RIMS1: variants seen among roughly 807,000 people sequenced by gnomAD.
The protein encoded by RIMS1 is regulating synaptic membrane exocytosis 1, also known as regulating synaptic membrane exocytosis protein 1.
Under a neutral mutation model 214.1 loss-of-function variants are expected in RIMS1, and 83 were observed. That is an observed-to-expected ratio of 0.39 (90% CI 0.32 to 0.47). RIMS1 has a LOEUF of 0.47. Ranked by LOEUF, RIMS1 falls within the 20% of genes least tolerant of loss-of-function variation. RIMS1 has a pLI of 0.99. For synonymous variants in RIMS1, 793 were observed against 786.8 expected (o/e 1.01, Z -0.13); for missense variants, 2,050 against 2,161.8 (o/e 0.95, Z 1.03).
At chr6:72,117,731 G>T (rs2037365263) in intron 4 of RIMS1, among the ~76,000 whole-genome samples, 1 of 151,780 alleles carries the variant, frequency 6.6e-6, no homozygotes, top group Non-Finnish European at 1.5e-5. Flanking sequence ...GAAATGAATG[G>T]TAGTAGTAAC....
At chr6:72,348,510 TA>T (rs1279948577) in intron 29 of RIMS1, among the ~76,000 whole-genome samples, 4 of 151,974 alleles carry the variant, frequency 2.6e-5, no homozygotes, top group Non-Finnish European at 5.9e-5. Context: ...TTTAACCAGT[TA>T]ATTCTACCTT....
intron 2 of RIMS1, among the ~76,000 whole-genome samples, chr6:71,969,620 C>T (rs959097881): frequency 1.3e-5 from 2 of 151,976 alleles, no homozygotes; most frequent in African/African-American, 4.8e-5. Context: ...ACCAGCCTGG[C>T]CAATATGGTG....
intron 1 of RIMS1, among the ~76,000 whole-genome samples, chr6:71,949,519 A>G (rs1788827473): frequency 6.6e-6 from 1 of 152,162 alleles, no homozygotes; most frequent in African/African-American, 2.4e-5. Context: ...TTTGTGGGCA[A>G]AGTCGCCCCT....
chr6:72,177,627 A>G (rs1183351273), intron 4 of RIMS1, among the ~76,000 whole-genome samples: 1 of 152,210 alleles, frequency 6.6e-6, no homozygotes, highest in East Asian at 1.9e-4. Context: ...ACGTCTTCTT[A>G]TTTGATGTAA....
Position 72,290,754 on chromosome 6 carries a change from A to C in RIMS1, c.3630A>C (p.Lys1210Asn). The change falls in exon 25 of 34, where the codon AAA becomes AAC. Residue 1210 changes from lysine (K) to asparagine (N), a missense_variant. Physicochemically the swap from Lys to Asn is moderately conservative, Grantham distance 94 (BLOSUM62 0). This residue lies in a region of RIMS1 where 889 missense variants were observed against 885.5 expected (regional missense o/e 1.00). Coordinates refer to ENST00000521978, the MANE Select transcript of RIMS1 (RefSeq NM_014989.7). The stretch of plus-strand genomic sequence containing the variant: ...CTGATCAGCCAGTCATTAGGGGAAA[A>C]CATCCTGCTCGCTCAAGGTCGAGTG... ...RATDQPVIRG[K>N]HPARSRSSEH... The C allele has an allele frequency of 6.2e-7, 1 of 1,613,798 alleles. No individual in the cohort carries two copies. Among genetic ancestry groups the C allele is most frequent in the Non-Finnish European group, 8.5e-7 (1 of 1,179,780 alleles).
chr6:71,908,137 C>T (rs552733255), intron 1 of RIMS1, among the ~76,000 whole-genome samples: 247 of 152,314 alleles, frequency 1.6e-3, no homozygotes, highest in Non-Finnish European at 2.7e-3. Flanking sequence ...AAAGAGGCAA[C>T]TCCTTGGCTT....
intron 2 of RIMS1, among the ~76,000 whole-genome samples, chr6:71,973,756 G>A (rs1796459163): frequency 6.6e-6 from 1 of 152,172 alleles, no homozygotes; most frequent in South Asian, 2.1e-4. Context: ...AGATCCTAGC[G>A]AGAAGGGGCC....
At chr6:72,108,140 C>T (rs77224721) in intron 4 of RIMS1, among the ~76,000 whole-genome samples, 2 of 152,142 alleles carry the variant, frequency 1.3e-5, no homozygotes, top group Non-Finnish European at 2.9e-5. Context: ...CTACCTCACC[C>T]TTCTGTAACT....
intron 4 of RIMS1, among the ~76,000 whole-genome samples, chr6:72,128,432 TA>T (rs929576103): frequency 1.3e-4 from 19 of 151,434 alleles, no homozygotes; most frequent in Admixed American, 1.1e-3. Flanking sequence ...TTGCCCCCTT[TA>T]AAAAAAATGT....
At chr6:72,293,080 T>TG (rs1240588684) in intron 26 of RIMS1, among the ~76,000 whole-genome samples, 1 of 152,180 alleles carries the variant, frequency 6.6e-6, no homozygotes, top group East Asian at 1.9e-4. Context: ...CAAAGACTGA[T>TG]GTGGCATAGA....
At chr6:71,926,613 A>G (rs73748952) in intron 1 of RIMS1, among the ~76,000 whole-genome samples, 5,524 of 152,278 alleles carry the variant, frequency 0.036, 338 homozygotes, top group African/African-American at 0.13. Flanking sequence ...GAAAGACCAA[A>G]TATTCCTATT....
chr6:72,154,685 T>C (rs150491249), intron 4 of RIMS1, among the ~76,000 whole-genome samples: 1 of 140,626 alleles, frequency 7.1e-6, no homozygotes, highest in African/African-American at 2.5e-5. Flanking sequence ...AGCAAGAAAT[T>C]TAAGAATAGA....
At chr6:72,216,755 C>G (rs1249028154) in intron 6 of RIMS1, 8 of 986,328 alleles carry the variant, frequency 8.1e-6, no homozygotes, top group Non-Finnish European at 9.6e-6. Context: ...TGAGTCTTTT[C>G]TTCTGTGTTA....
At chr6:72,201,824 T>C (rs926657075) in intron 6 of RIMS1, among the ~76,000 whole-genome samples, 7 of 152,210 alleles carry the variant, frequency 4.6e-5, no homozygotes, top group Non-Finnish European at 7.3e-5. Flanking sequence ...TCCCTAGATC[T>C]TGTGACCAAA....
chr6:72,380,348 T>C (rs905262265), intron 29 of RIMS1, among the ~76,000 whole-genome samples: 2 of 152,182 alleles, frequency 1.3e-5, no homozygotes, highest in African/African-American at 4.8e-5. Context: ...TATACATATG[T>C]AACAAACCTG....
chr6:72,293,613 C>T (rs1414053017), intron 26 of RIMS1, among the ~76,000 whole-genome samples: 1 of 151,810 alleles, frequency 6.6e-6, no homozygotes, highest in African/African-American at 2.4e-5. Context: ...GCATTTCCTT[C>T]AGTTGCAAAT....
chr6:72,358,394 A>T (rs2097715091), intron 29 of RIMS1, among the ~76,000 whole-genome samples: 2 of 152,134 alleles, frequency 1.3e-5, no homozygotes, highest in Admixed American at 6.6e-5. Context: ...TTTTTCTAAT[A>T]CAAAGTAAAG....
intron 2 of RIMS1, among the ~76,000 whole-genome samples, chr6:71,985,418 A>AT (rs1177202727): frequency 6.6e-6 from 1 of 152,082 alleles, no homozygotes; most frequent in Non-Finnish European, 1.5e-5. Flanking sequence ...TAGATAAATT[A>AT]TATTAAAATA....
chr6:72,323,860 T>C (rs144205205), intron 28 of RIMS1, among the ~76,000 whole-genome samples: 1 of 152,044 alleles, frequency 6.6e-6, no homozygotes, highest in Non-Finnish European at 1.5e-5. Context: ...AGCAAAGATA[T>C]GACTAGCTGA....
Sources: allele counts gnomAD v4.1 joint callset (sites outside exome capture counted in the v4.1 genomes callset), GRCh38; gene constraint gnomAD v4.1.1; regional missense constraint gnomAD v4.1.1; transcripts MANE v1.5; gene names NCBI Gene and HGNC (gene_info 2026-07-23, HGNC 2026-07-21).